DUSP16: variants seen among roughly 807,000 people sequenced by gnomAD.
The protein encoded by DUSP16 is dual specificity phosphatase 16, also known as dual specificity protein phosphatase 16.
In DUSP16, 21 loss-of-function variants were observed where a neutral mutation model predicts 58.3. The ratio of observed to expected loss-of-function variants is 0.36; its 90% CI spans 0.26 to 0.52. The LOEUF (loss-of-function observed/expected upper bound fraction) is 0.52, where lower values mean the gene tolerates loss of function less well. DUSP16 is among the 20% of genes least tolerant of loss of function. The probability of loss-of-function intolerance (pLI) is 0.94; values close to 1 mark genes in which losing one functional copy is unlikely to be tolerated. For synonymous variants in DUSP16, 320 were observed against 323.8 expected (o/e 0.99, Z 0.12); for missense variants, 726 against 819.0 (o/e 0.89, Z 1.39).
At chr12:12,488,435 C>T (rs11054927) in intron 4 of DUSP16, among the ~76,000 whole-genome samples, 10,983 of 152,182 alleles carry the variant, frequency 0.072, 861 homozygotes, top group East Asian at 0.39. Flanking sequence ...AGATCTTGGA[C>T]CGCGTCTTGT....
At chr12:12,539,551 T>C (rs1944520560) in intron 1 of DUSP16, among the ~76,000 whole-genome samples, 1 of 151,998 alleles carries the variant, frequency 6.6e-6, no homozygotes, top group Admixed American at 6.6e-5. Context: ...TAAATAAATA[T>C]CTCCACCCAG....
chr12:12,495,147 C>A (rs1414246002), intron 4 of DUSP16, among the ~76,000 whole-genome samples: 3 of 150,964 alleles, frequency 2.0e-5, no homozygotes, highest in Admixed American at 6.6e-5. Context: ...TATAGGGTCC[C>A]CTGAAATGTT....
chr12:12,527,084 T>C (rs1944317796), intron 1 of DUSP16, among the ~76,000 whole-genome samples: 1 of 152,182 alleles, frequency 6.6e-6, no homozygotes, highest in African/African-American at 2.4e-5. Context: ...GGGATTTAGT[T>C]TTATTTGGTT....
At chr12:12,510,233 T>C (rs1944055627) in intron 3 of DUSP16, among the ~76,000 whole-genome samples, 1 of 152,126 alleles carries the variant, frequency 6.6e-6, no homozygotes, top group African/African-American at 2.4e-5. Context: ...CTGCTGGACA[T>C]GTCTATAATC....
At chr12:12,510,462 A>C (rs1485973620) in intron 3 of DUSP16, among the ~76,000 whole-genome samples, 1 of 152,162 alleles carries the variant, frequency 6.6e-6, no homozygotes, top group Non-Finnish European at 1.5e-5. Flanking sequence ...CTCCCCTAAG[A>C]CCACTTCTGT....
At chr12:12,493,252 C>T (rs778575113) in intron 4 of DUSP16, among the ~76,000 whole-genome samples, 7 of 152,108 alleles carry the variant, frequency 4.6e-5, no homozygotes, top group Non-Finnish European at 8.8e-5. Context: ...ACTGCATCTC[C>T]GAGTCTCCTT....
rs532465071 is a variant in DUSP16 at position 12,543,636 on chromosome 12, ATAT to A, written c.-366+18478_-366+18480del. ...TTAATGAGTGATAAATTGGCTAAAT[ATAT>A]TATTATATCAATGTAGTATACCATA... On this transcript the variant is annotated intron_variant, in intron 1 of 6. Transcript: ENST00000298573. Among the ~76,000 whole-genome samples the A allele has an allele frequency of 1.5e-3, 223 of 152,214 alleles. 3 individuals carry two copies. The highest frequency in any genetic ancestry group is 5.2e-3 in the African/African-American group (214 of 41,516).
At chr12:12,500,787 A>T in intron 3 of DUSP16, 105 bp from the exon 4 acceptor site, 1 of 1,025,958 alleles carries the variant, frequency 9.7e-7, no homozygotes, top group Non-Finnish European at 1.4e-6. Flanking sequence ...ATCCAAGTGG[A>T]TATCACTGCA....
intron 5 of DUSP16, among the ~76,000 whole-genome samples, chr12:12,483,109 C>G (rs1231228230): frequency 6.6e-6 from 1 of 152,038 alleles, no homozygotes; most frequent in Non-Finnish European, 1.5e-5. Flanking sequence ...AAGCAGGTGG[C>G]CATTACCGCA....
rs762231755 is a variant in DUSP16 at position 12,477,476 on chromosome 12, G to C, written c.1355C>G (p.Ser452Trp). 1.3e-5 allele frequency: 20 copies of C among 1,597,034 alleles called. No homozygotes were observed. Among genetic ancestry groups the C allele is most frequent in the African/African-American group, 2.7e-5 (2 of 74,478 alleles). The change falls in exon 7 of 7, where the codon TCG becomes TGG. Residue 452 changes from serine to tryptophan, a missense_variant. Coordinates refer to ENST00000298573, the MANE Select transcript of DUSP16 (RefSeq NM_030640.3). The surrounding 1 kb of genome is among the most constrained non-coding windows in gnomAD (Gnocchi z 4.1). ...AGGACTGGTTTCGGGAGTCTGCTCC[G>C]ATAGTTCCTGAACAGGGGAGAACTG... is the stretch of plus-strand genomic sequence containing the variant. ...LCQFSPVQEL[S>W]EQTPETSPDK... is the part of the protein sequence containing the mutation.
Position 12,487,201 on chromosome 12 carries a change from G to A in DUSP16, c.532-14C>T. Reference sequence around the variant, plus strand: ...CTGCATCAGCTCCTATGGAGAGAAAGAGTAGCAGTTAAAGTGACTAATAAT... The same window carrying A: ...CTGCATCAGCTCCTATGGAGAGAAAAAGTAGCAGTTAAAGTGACTAATAAT... On this transcript the variant is annotated splice_polypyrimidine_tract_variant and intron_variant, in intron 4 of 6. Transcript: ENST00000298573. 6.2e-7 allele frequency: 1 copy of A among 1,612,324 alleles called. No homozygotes were observed. Among genetic ancestry groups the A allele is most frequent in the South Asian group, 1.1e-5 (1 of 90,972 alleles).
chr12:12,536,162 C>T (rs4421828), intron 1 of DUSP16, among the ~76,000 whole-genome samples: 1 of 152,046 alleles, frequency 6.6e-6, no homozygotes, highest in Admixed American at 6.5e-5. Flanking sequence ...AGAATGGTAA[C>T]TATAAAACCT....
chr12:12,488,559 CT>C (rs1454815977), intron 4 of DUSP16, among the ~76,000 whole-genome samples: 1 of 152,220 alleles, frequency 6.6e-6, no homozygotes, highest in Non-Finnish European at 1.5e-5. Flanking sequence ...AGTCATCCCC[CT>C]GCTGCCTCTC....
Position 12,520,019 on chromosome 12 carries a change from G to T in DUSP16, c.229-19C>A, listed in dbSNP as rs1178426621. On this transcript the variant is annotated intron_variant, in intron 2 of 6. Coordinates refer to ENST00000298573, the MANE Select transcript of DUSP16 (RefSeq NM_030640.3). ...TGTCAACCTGAAATGCAAACATGAG[G>T]CTTGTTAGGAAGAAGGTGAGAAAAG... is the stretch of plus-strand genomic sequence containing the variant. 5 of 1,613,714 alleles carry T rather than the reference G, an allele frequency of 3.1e-6. No homozygotes were observed. The African/African-American group carries it at 4.0e-5, about 13-fold the overall frequency.
At chr12:12,511,759 A>G (rs896389122) in intron 3 of DUSP16, among the ~76,000 whole-genome samples, 2 of 151,928 alleles carry the variant, frequency 1.3e-5, no homozygotes, top group South Asian at 2.1e-4. Flanking sequence ...TGCTTTTCCA[A>G]TATCTTCACC....
At chr12:12,478,608 C>CTACA (rs1565970702) in intron 6 of DUSP16, among the ~76,000 whole-genome samples, 4 of 152,028 alleles carry the variant, frequency 2.6e-5, no homozygotes, top group Admixed American at 6.5e-5. Flanking sequence ...AGTGCTGGGA[C>CTACA]TACAGGTGTG....
chr12:12,530,517 C>A (rs1944368454), intron 1 of DUSP16, among the ~76,000 whole-genome samples: 1 of 152,172 alleles, frequency 6.6e-6, no homozygotes, highest in African/African-American at 2.4e-5. Context: ...TTGACATAAT[C>A]CCATTTGTCT....
At chr12:12,537,343 T>C (rs747317246) in intron 1 of DUSP16, among the ~76,000 whole-genome samples, 1 of 152,210 alleles carries the variant, frequency 6.6e-6, no homozygotes, top group Non-Finnish European at 1.5e-5. Context: ...TGTAATTACA[T>C]AGCCCTATGA....
At chr12:12,541,366 T>C (rs908380844) in intron 1 of DUSP16, among the ~76,000 whole-genome samples, 1 of 152,088 alleles carries the variant, frequency 6.6e-6, no homozygotes. Context: ...CCCACACAAA[T>C]ACAAACATGA....
Sources: allele counts gnomAD v4.1 joint callset (sites outside exome capture counted in the v4.1 genomes callset), GRCh38; gene constraint gnomAD v4.1.1; non-coding constraint Gnocchi (gnomAD v3.1); transcripts MANE v1.5; gene names NCBI Gene and HGNC (gene_info 2026-07-23, HGNC 2026-07-21).